THSD4: variants seen among roughly 807,000 people sequenced by gnomAD.
The protein encoded by THSD4 is thrombospondin type 1 domain containing 4.
Under a neutral mutation model 119.0 loss-of-function variants are expected in THSD4, and 69 were observed. The observed-to-expected ratio is 0.58, with a 90% CI of 0.48 to 0.71. The LOEUF (loss-of-function observed/expected upper bound fraction) is 0.71. Among genes scored for constraint, THSD4 ranks in the 30% least tolerant of loss-of-function variants. The pLI, the probability that THSD4 is intolerant of heterozygous loss-of-function variation, is 0.00. For missense variants in THSD4, 1,393 were observed against 1,391.1 expected (o/e 1.00, Z -0.02); for synonymous variants, 524 against 540.4 (o/e 0.97, Z 0.42).
chr15:71,340,470 C>G (rs1288292402), intron 6 of THSD4, among the ~76,000 whole-genome samples: 1 of 152,178 alleles, frequency 6.6e-6, no homozygotes, highest in Non-Finnish European at 1.5e-5. Context: ...GCTGGAAGAG[C>G]CAGGCCGTGT....
chr15:71,645,312 G>A (rs1360878105), intron 7 of THSD4, among the ~76,000 whole-genome samples: 4 of 152,190 alleles, frequency 2.6e-5, no homozygotes, highest in African/African-American at 9.6e-5. Context: ...TCTGGTAGAA[G>A]GGGAAGCAAA....
intron 1 of THSD4, among the ~76,000 whole-genome samples, chr15:71,127,969 T>C (rs1033911895): frequency 6.6e-6 from 1 of 152,186 alleles, no homozygotes. Flanking sequence ...ATACAAAAAA[T>C]TATTCCAGGC....
intron 6 of THSD4, among the ~76,000 whole-genome samples, chr15:71,338,771 G>A (rs1484833073): frequency 1.3e-5 from 2 of 152,148 alleles, no homozygotes; most frequent in Non-Finnish European, 2.9e-5. Flanking sequence ...AGAGAAGGGG[G>A]AAATGGGACA....
At chr15:71,500,244 C>G (rs2048089846) in intron 7 of THSD4, among the ~76,000 whole-genome samples, 1 of 152,034 alleles carries the variant, frequency 6.6e-6, no homozygotes, top group Non-Finnish European at 1.5e-5. Flanking sequence ...ATTTTGAACA[C>G]CTTTTCATGC....
At chr15:71,453,450 G>A (rs2047294465) in intron 7 of THSD4, among the ~76,000 whole-genome samples, 1 of 152,164 alleles carries the variant, frequency 6.6e-6, no homozygotes, top group Non-Finnish European at 1.5e-5. Context: ...GAGGGCCATG[G>A]AGCAACACGG....
chr15:71,370,277 C>G (rs1054971841), intron 6 of THSD4, among the ~76,000 whole-genome samples: 1 of 152,052 alleles, frequency 6.6e-6, no homozygotes, highest in Non-Finnish European at 1.5e-5. Flanking sequence ...ATGTCTCTAT[C>G]TCCTTCAGTT....
intron 8 of THSD4, among the ~76,000 whole-genome samples, chr15:71,701,910 TA>T (rs1334628939): frequency 2.6e-5 from 4 of 152,132 alleles, no homozygotes; most frequent in Admixed American, 6.5e-5. Context: ...TTCTGTGATT[TA>T]AAAAAAATTA....
At chr15:71,682,100 C>T (rs545373940) in intron 8 of THSD4, among the ~76,000 whole-genome samples, 3 of 152,260 alleles carry the variant, frequency 2.0e-5, no homozygotes, top group African/African-American at 7.2e-5. Context: ...TAGTTCAACC[C>T]AAGGTCTTTA....
intron 7 of THSD4, among the ~76,000 whole-genome samples, chr15:71,642,223 AT>A (rs2050872235): frequency 6.6e-6 from 1 of 152,236 alleles, no homozygotes; most frequent in African/African-American, 2.4e-5. Flanking sequence ...CCAGGAGATC[AT>A]CTGAAGGTGT....
At chr15:71,141,421 C>A in intron 1 of THSD4, 28 bp from the exon 2 acceptor site, 1 of 1,210,040 alleles carries the variant, frequency 8.3e-7, no homozygotes, top group Non-Finnish European at 1.1e-6. Flanking sequence ...GTAAATGTTG[C>A]TAAAAATAAC....
chr15:71,608,103 A>G (rs963143896), intron 7 of THSD4, among the ~76,000 whole-genome samples: 3 of 151,698 alleles, frequency 2.0e-5, no homozygotes. Context: ...GGCACCTGTA[A>G]TGCCAGCTAC....
In THSD4 at chr15:71,239,075, CTA is replaced by C. The variant is rs111569688; in HGVS notation, c.465-3573_465-3572del. 9.1e-3 allele frequency among the ~76,000 whole-genome samples: 1,393 copies of C among 152,272 alleles called. 22 individuals carry two copies. The highest frequency in any genetic ancestry group is 0.032 in the African/African-American group (1,332 of 41,548). On this transcript the variant is annotated intron_variant, in intron 4 of 17. Transcript: ENST00000261862. ...TTGGTAGAGCTATTAAATAGCCAAACTAGAGCTTTTCTTACATAAAGGCAAAT... is the reference window on the plus strand; with the variant it reads ...TTGGTAGAGCTATTAAATAGCCAAACGAGCTTTTCTTACATAAAGGCAAAT...
chr15:71,485,852 A>G (rs796973451), intron 7 of THSD4, among the ~76,000 whole-genome samples: 48 of 152,320 alleles, frequency 3.2e-4, no homozygotes, highest in African/African-American at 1.1e-3. Flanking sequence ...CTTAGTTATT[A>G]CTACAGCCCA....
chr15:71,443,320 T>C (rs1397428844), intron 7 of THSD4, among the ~76,000 whole-genome samples: 1 of 152,204 alleles, frequency 6.6e-6, no homozygotes, highest in Non-Finnish European at 1.5e-5. Context: ...TGGTTGCTCA[T>C]AAATGCTGTT....
chr15:71,425,758 G>A (rs1305650617), intron 7 of THSD4, among the ~76,000 whole-genome samples: 2 of 152,186 alleles, frequency 1.3e-5, no homozygotes, highest in Non-Finnish European at 2.9e-5. Flanking sequence ...TACTCAATAT[G>A]TTGAATTTCA....
chr15:71,581,335 C>T (rs572097482), intron 7 of THSD4, among the ~76,000 whole-genome samples: 6 of 152,024 alleles, frequency 3.9e-5, no homozygotes, highest in Non-Finnish European at 8.8e-5. Flanking sequence ...TTTAATGTAC[C>T]TGTTGGTCAT....
chr15:71,509,417 A>C (rs1307272095), intron 7 of THSD4, among the ~76,000 whole-genome samples: 1 of 152,236 alleles, frequency 6.6e-6, no homozygotes, highest in Non-Finnish European at 1.5e-5. Flanking sequence ...CTCATTATCC[A>C]AGATTCTCTG....
intron 2 of THSD4, among the ~76,000 whole-genome samples, chr15:71,151,478 G>A (rs997822273): frequency 1.3e-5 from 2 of 151,848 alleles, no homozygotes; most frequent in African/African-American, 4.8e-5. Context: ...TTTAGGCCTG[G>A]GTGCAAGAAA....
intron 3 of THSD4, among the ~76,000 whole-genome samples, chr15:71,214,047 C>T (rs1352245776): frequency 6.7e-6 from 1 of 149,482 alleles, no homozygotes; most frequent in African/African-American, 2.6e-5. Context: ...CCAATCAGGG[C>T]TCTGTGTCTA....
Sources: allele counts gnomAD v4.1 joint callset (sites outside exome capture counted in the v4.1 genomes callset), GRCh38; gene constraint gnomAD v4.1.1; transcripts MANE v1.5; gene names NCBI Gene and HGNC (gene_info 2026-07-23, HGNC 2026-07-21).